Variants in VIT observed in about 807,000 individuals in gnomAD.
VIT encodes the protein vitrin.
A neutral mutation model predicts 78.0 loss-of-function variants in VIT; 99 were observed. The ratio of observed to expected loss-of-function variants is 1.27; its 90% CI spans 1.08 to 1.50. The LOEUF is 1.50. Among genes scored for constraint, VIT ranks in the 40% most tolerant of loss-of-function variants. VIT has a pLI of 0.00. For synonymous variants in VIT, 374 were observed against 334.3 expected (o/e 1.12, Z -1.29); for missense variants, 1,126 against 875.3 (o/e 1.29, Z -3.61).
chr2:36,765,823 T>C (rs1388504520), intron 6 of VIT, among the ~76,000 whole-genome samples: 1 of 152,282 alleles, frequency 6.6e-6, no homozygotes, highest in African/African-American at 2.4e-5. Context: ...GTGATGCTGA[T>C]GTCTGACTTC....
At chr2:36,802,987 A>G (rs1192972183) in intron 13 of VIT, among the ~76,000 whole-genome samples, 2 of 152,244 alleles carry the variant, frequency 1.3e-5, no homozygotes, top group Non-Finnish European at 2.9e-5. Flanking sequence ...TTCCAAGATT[A>G]GGAAATCACT....
chr2:36,767,949 G>A (rs1411525582), intron 7 of VIT, among the ~76,000 whole-genome samples: 1 of 152,154 alleles, frequency 6.6e-6, no homozygotes, highest in Non-Finnish European at 1.5e-5. Flanking sequence ...TTCCACTATT[G>A]TCTTAGCAAT....
At chr2:36,802,633 T>C (rs1000661735) in intron 13 of VIT, among the ~76,000 whole-genome samples, 20 of 152,278 alleles carry the variant, frequency 1.3e-4, no homozygotes, top group Non-Finnish European at 2.8e-4. Flanking sequence ...AGTTGATTTC[T>C]GGTTTGTTTA....
intron 2 of VIT, among the ~76,000 whole-genome samples, chr2:36,728,812 C>A (rs1406684003): frequency 0.089 from 302 of 3,400 alleles, 68 homozygotes; most frequent in South Asian, 0.22. Context: ...GACTCCGTCT[C>A]AAAAAAAAAA....
intron 6 of VIT, among the ~76,000 whole-genome samples, chr2:36,762,000 C>T (rs752476160): frequency 1.3e-5 from 2 of 152,192 alleles, no homozygotes; most frequent in Non-Finnish European, 2.9e-5. Context: ...AGTATGCAAA[C>T]TCGGTATCAC....
rs1558594668 is a variant in VIT at position 36,808,574 on chromosome 2, C to CT, written c.1492_1493insT (p.Arg498LeufsTer13). 3.1e-6 allele frequency: 5 copies of CT among 1,613,988 alleles called. No individual in the cohort carries two copies. In the Admixed American group the frequency reaches 8.3e-5, roughly 27 times the overall value. ...GGTGAAGCGGGTCTGCGACACTGACCGCCTGGCCTGCAGCAAGACCTGCTT... is the reference window on the plus strand; with the variant it reads ...GGTGAAGCGGGTCTGCGACACTGACCTGCCTGGCCTGCAGCAAGACCTGCTT... On this transcript the variant is annotated frameshift_variant, in exon 15 of 16. Coordinates refer to ENST00000379242, the MANE Select transcript of VIT (RefSeq NM_053276.4). LOFTEE classifies it high-confidence loss of function.
At chr2:36,740,045 G>A (rs569270449) in intron 3 of VIT, among the ~76,000 whole-genome samples, 7 of 152,296 alleles carry the variant, frequency 4.6e-5, no homozygotes, top group African/African-American at 1.4e-4. Flanking sequence ...ATGTCTTCCC[G>A]CTCCCTTTAG....
intron 7 of VIT, among the ~76,000 whole-genome samples, chr2:36,772,355 G>T (rs1455284057): frequency 1.3e-5 from 2 of 152,122 alleles, no homozygotes; most frequent in African/African-American, 4.8e-5. Flanking sequence ...TGACCGACAT[G>T]GAGAAAACCC....
At chr2:36,700,014 AGTT>A (rs1364979330) in intron 1 of VIT, among the ~76,000 whole-genome samples, 20 of 21,872 alleles carry the variant, frequency 9.1e-4, no homozygotes, top group South Asian at 6.5e-3. Flanking sequence ...GCCAAATGTT[AGTT>A]AATTTTTTTT....
At chr2:36,797,401 G>A (rs564033328) in intron 12 of VIT, among the ~76,000 whole-genome samples, 1 of 152,314 alleles carries the variant, frequency 6.6e-6, no homozygotes, top group Admixed American at 6.5e-5. Flanking sequence ...CAAACTTGGG[G>A]ACGGAAAGGA....
At chr2:36,744,520 C>T (rs1668020877) in intron 4 of VIT, among the ~76,000 whole-genome samples, 1 of 152,192 alleles carries the variant, frequency 6.6e-6, no homozygotes, top group African/African-American at 2.4e-5. Flanking sequence ...GCCATTCTGA[C>T]TGGTGTAAGA....
intron 2 of VIT, among the ~76,000 whole-genome samples, chr2:36,720,440 G>T (rs371527846): frequency 6.6e-6 from 1 of 152,088 alleles, no homozygotes; most frequent in East Asian, 1.9e-4. Context: ...ATATCCACAC[G>T]CAGAAGAATG....
At chr2:36,796,358 C>A (rs1376770828) in intron 12 of VIT, among the ~76,000 whole-genome samples, 1 of 152,152 alleles carries the variant, frequency 6.6e-6, no homozygotes, top group Non-Finnish European at 1.5e-5. Flanking sequence ...TGACCAGAGG[C>A]TCACAGGAAC....
At chr2:36,750,070 G>A (rs1002239824) in intron 4 of VIT, among the ~76,000 whole-genome samples, 1 of 152,062 alleles carries the variant, frequency 6.6e-6, no homozygotes. Flanking sequence ...TTAAGGATAA[G>A]TAGTAAAACA....
chr2:36,788,870 C>T (rs767157577), intron 12 of VIT, among the ~76,000 whole-genome samples: 11 of 152,056 alleles, frequency 7.2e-5, no homozygotes, highest in South Asian at 4.2e-4. Flanking sequence ...AGAAAAATGG[C>T]GTGAGAATAG....
intron 3 of VIT, among the ~76,000 whole-genome samples, chr2:36,732,794 C>T (rs966333613): frequency 1.3e-5 from 2 of 152,074 alleles, no homozygotes; most frequent in African/African-American, 4.8e-5. Flanking sequence ...TAAAGGTACT[C>T]AGAGAGTTAG....
In VIT at chr2:36,808,748, T is replaced by C. The variant is rs146011119; in HGVS notation, c.1666T>C (p.Tyr556His). Residue 556 changes from tyrosine to histidine, a missense_variant, in exon 15 of 16, where the codon TAC becomes CAC. Coordinates refer to ENST00000379242, the MANE Select transcript of VIT (RefSeq NM_053276.4). Reference sequence around the variant, plus strand: ...GCGCATCGGGGCCGTGCAGTACACCTACGAACAGCGGCTGGAGTTTGGGTT... The same window carrying C: ...GCGCATCGGGGCCGTGCAGTACACCCACGAACAGCGGCTGGAGTTTGGGTT... ...DTRIGAVQYT[Y>H]EQRLEFGFDK... 1 of 1,613,962 alleles carries C rather than the reference T, an allele frequency of 6.2e-7. No individual in the cohort carries two copies. The highest frequency in any genetic ancestry group is 8.5e-7 in the Non-Finnish European group (1 of 1,179,954).
At position 36,808,847 on chromosome 2, in the gene VIT, A is replaced by G; in HGVS notation, c.1765A>G (p.Thr589Ala). The change falls in exon 15 of 16, where the codon ACG becomes GCG. Residue 589 changes from threonine to alanine, a missense_variant. By Grantham distance (58) the Thr-to-Ala change is moderately conservative. Coordinates refer to ENST00000379242, the MANE Select transcript of VIT (RefSeq NM_053276.4). ...GGGCTACTGGAGTGGTGGCACCAGC[A>G]CGGGGGCTGCCATCAACTTCGCCCT... Reference protein sequence around the residue: ...RVGYWSGGTSTGAAINFALEQ... With the variant: ...RVGYWSGGTSAGAAINFALEQ... The G allele has an allele frequency of 6.2e-7, 1 of 1,614,186 alleles. No homozygotes were observed. Among genetic ancestry groups the G allele is most frequent in the Non-Finnish European group, 8.5e-7 (1 of 1,180,036 alleles).
At chr2:36,792,751 G>A (rs138153468) in intron 12 of VIT, among the ~76,000 whole-genome samples, 25 of 152,280 alleles carry the variant, frequency 1.6e-4, no homozygotes, top group Middle Eastern at 3.4e-3. Context: ...CTCCAGTGAA[G>A]CCCAGTCCCC....
Sources: allele counts gnomAD v4.1 joint callset (sites outside exome capture counted in the v4.1 genomes callset), GRCh38; gene constraint gnomAD v4.1.1; transcripts MANE v1.5; gene names NCBI Gene and HGNC (gene_info 2026-07-23, HGNC 2026-07-21).